Variants in PTPRN2 observed in about 807,000 individuals in gnomAD.
PTPRN2 encodes the protein protein tyrosine phosphatase receptor type N2, also known as receptor-type tyrosine-protein phosphatase N2.
Under a neutral mutation model 118.8 loss-of-function variants are expected in PTPRN2, and 74 were observed. That is an observed-to-expected ratio of 0.62 (90% CI 0.52 to 0.76). The LOEUF is 0.76. PTPRN2 is among the 30% of genes least tolerant of loss of function. The pLI, the probability that PTPRN2 is intolerant of heterozygous loss-of-function variation, is 0.00. For synonymous variants in PTPRN2, 641 were observed against 608.0 expected, an observed-to-expected ratio of 1.05 and a Z score of -0.80; for missense variants, 1,481 against 1,394.4, an observed-to-expected ratio of 1.06 and a Z score of -0.99.
intron 12 of PTPRN2, among the ~76,000 whole-genome samples, chr7:157,837,155 C>CCATGTGTCCCT: frequency 7.1e-6 from 1 of 141,768 alleles, no homozygotes. Context: ...ATCCGCCCTT[C>CCATGTGTCCCT]CGTGTGTCCC....
chr7:158,058,236 T>C (rs1278572250), intron 11 of PTPRN2, among the ~76,000 whole-genome samples: 12 of 143,748 alleles, frequency 8.3e-5, no homozygotes, highest in African/African-American at 2.4e-4. Flanking sequence ...GCAGCCACAC[T>C]CCATCTGCCC....
rs574273696 is a variant in PTPRN2, at chr7:158,571,761, AT to A, written c.112+15796del. Among the ~76,000 whole-genome samples the A allele has an allele frequency of 1.2e-3, 178 of 152,282 alleles. 1 individual carries two copies. Among genetic ancestry groups the A allele is most frequent in the African/African-American group, 4.2e-3 (173 of 41,524 alleles). On this transcript the variant is annotated intron_variant, in intron 1 of 22. Transcript: ENST00000389418. Reference sequence around the variant, plus strand: ...ACCTATTTCTTAAGGATCCAAAAAAATAAAAACCAATTTCATTGCTGCTGTT... The same window carrying A: ...ACCTATTTCTTAAGGATCCAAAAAAAAAAAACCAATTTCATTGCTGCTGTT...
chr7:158,322,387 C>T (rs1803098949), intron 2 of PTPRN2, among the ~76,000 whole-genome samples: 1 of 152,062 alleles, frequency 6.6e-6, no homozygotes, highest in African/African-American at 2.4e-5. Flanking sequence ...ACTGACCTCA[C>T]CCAGCGGTCA....
At chr7:158,176,405 G>A (rs1824212941) in intron 5 of PTPRN2, among the ~76,000 whole-genome samples, 1 of 152,200 alleles carries the variant, frequency 6.6e-6, no homozygotes, top group Non-Finnish European at 1.5e-5. Flanking sequence ...TTTTGCAAAT[G>A]AGGAAAGAAG....
At chr7:158,162,900 A>T (rs1380667742) in intron 6 of PTPRN2, among the ~76,000 whole-genome samples, 5 of 152,148 alleles carry the variant, frequency 3.3e-5, no homozygotes, top group Non-Finnish European at 2.9e-5. Context: ...CAAGGGTCTC[A>T]TGTTGGACCC....
Position 158,571,520 on chromosome 7 carries a change from TATTTC to T in PTPRN2, c.112+16033_112+16037del, listed in dbSNP as rs1164314642. Among the ~76,000 whole-genome samples, 74 of 119,018 alleles carry T rather than the reference TATTTC, an allele frequency of 6.2e-4. 1 individual carries two copies. The highest frequency in any genetic ancestry group is 3.9e-3 in the East Asian group (12 of 3,066). 78.1% of individuals were successfully genotyped at this position (119,018 alleles called of 152,430 possible). ...AAAAAAACAAAAAAAAACACACACC[TATTTC>T]TTTTTTTTTTTTTTTTTTTTTCTTT... is the stretch of plus-strand genomic sequence containing the variant. On this transcript the variant is annotated intron_variant, in intron 1 of 22. Coordinates refer to ENST00000389418, the MANE Select transcript of PTPRN2 (RefSeq NM_002847.5).
intron 1 of PTPRN2, among the ~76,000 whole-genome samples, chr7:158,501,956 A>T (rs1822393900): frequency 6.6e-6 from 1 of 152,100 alleles, no homozygotes. Context: ...GCGATGTCCG[A>T]ACTGCCTTAA....
chr7:157,620,280 C>T (rs1056287854), intron 15 of PTPRN2, among the ~76,000 whole-genome samples: 9 of 152,138 alleles, frequency 5.9e-5, no homozygotes, highest in Non-Finnish European at 1.0e-4. Flanking sequence ...ACGCCAGCGC[C>T]GGGCAGTCCT....
chr7:157,578,822 A>G (rs918304669), intron 17 of PTPRN2, among the ~76,000 whole-genome samples: 1 of 152,262 alleles, frequency 6.6e-6, no homozygotes. Flanking sequence ...CTGTAAACCC[A>G]CATCTTAACA....
At chr7:158,065,066 C>T (rs1436124654) in intron 11 of PTPRN2, among the ~76,000 whole-genome samples, 2 of 152,250 alleles carry the variant, frequency 1.3e-5, no homozygotes, top group African/African-American at 4.8e-5. Flanking sequence ...ATCTGGCATA[C>T]TTCTGGGTGA....
intron 11 of PTPRN2, among the ~76,000 whole-genome samples, chr7:158,011,316 A>C (rs1261300980): frequency 6.6e-6 from 1 of 152,234 alleles, no homozygotes; most frequent in Non-Finnish European, 1.5e-5. Context: ...TGATTGTTAA[A>C]AGTTGGTAGA....
intron 3 of PTPRN2, among the ~76,000 whole-genome samples, chr7:158,215,266 G>C (rs1827876461): frequency 6.6e-6 from 1 of 152,208 alleles, no homozygotes; most frequent in Non-Finnish European, 1.5e-5. Flanking sequence ...TGGAGAGACA[G>C]AGGAAAGAAT....
chr7:158,036,993 C>G (rs1056695560), intron 11 of PTPRN2, among the ~76,000 whole-genome samples: 3 of 152,132 alleles, frequency 2.0e-5, no homozygotes, highest in Non-Finnish European at 2.9e-5. Context: ...TCTAAGAGAA[C>G]TGCCAATCAA....
chr7:158,248,652 T>C (rs1796414856), intron 3 of PTPRN2, among the ~76,000 whole-genome samples: 1 of 122,968 alleles, frequency 8.1e-6, no homozygotes, highest in Non-Finnish European at 1.7e-5. Flanking sequence ...TATGCACACA[T>C]CACACCCACA....
chr7:158,369,698 G>C (rs1809811480), intron 2 of PTPRN2, among the ~76,000 whole-genome samples: 1 of 152,120 alleles, frequency 6.6e-6, no homozygotes, highest in South Asian at 2.1e-4. Context: ...CACTGAAACA[G>C]AAAAACCATG....
chr7:157,760,494 C>A (rs117583856), intron 12 of PTPRN2, among the ~76,000 whole-genome samples: 1,773 of 152,084 alleles, frequency 0.012, 74 homozygotes, highest in East Asian at 0.092. Context: ...CACAGAAGTG[C>A]GAAGGAGAAT....
chr7:158,078,301 C>T (rs186568797), intron 11 of PTPRN2, among the ~76,000 whole-genome samples: 175 of 152,320 alleles, frequency 1.1e-3, no homozygotes, highest in African/African-American at 4.0e-3. Context: ...GGGAACCAGA[C>T]GCCAGCAGCC....
chr7:157,981,579 T>C (rs1317585039), intron 11 of PTPRN2, among the ~76,000 whole-genome samples: 2 of 147,820 alleles, frequency 1.4e-5, no homozygotes, highest in East Asian at 3.9e-4. Context: ...AGGGAGTGAT[T>C]CCATTTTTTT....
At chr7:158,437,057 C>T (rs1816620490) in intron 2 of PTPRN2, among the ~76,000 whole-genome samples, 1 of 152,110 alleles carries the variant, frequency 6.6e-6, no homozygotes, top group Non-Finnish European at 1.5e-5. Flanking sequence ...AAGCTGTTTT[C>T]CTTCTCCTCT....
Sources: allele counts gnomAD v4.1 joint callset (sites outside exome capture counted in the v4.1 genomes callset), GRCh38; gene constraint gnomAD v4.1.1; transcripts MANE v1.5; gene names NCBI Gene and HGNC (gene_info 2026-07-23, HGNC 2026-07-21).